SMIM8: variants seen among roughly 807,000 people sequenced by gnomAD.
SMIM8 encodes UPF0708 protein C6orf162.
SMIM8 carries 8 observed loss-of-function variants against 8.1 expected under a neutral mutation model. The ratio of observed to expected loss-of-function variants is 0.99; its 90% CI spans 0.58 to 1.78. The LOEUF (loss-of-function observed/expected upper bound fraction) is 1.78. Ranked by LOEUF, SMIM8 falls within the 40% of genes most tolerant of loss-of-function variation. The pLI, the probability that SMIM8 is intolerant of heterozygous loss-of-function variation, is 0.00. For missense variants in SMIM8, 126 were observed against 119.8 expected, an observed-to-expected ratio of 1.05 and a Z score of -0.24; for synonymous variants, 45 against 39.7, an observed-to-expected ratio of 1.13 and a Z score of -0.50.
chr6:87,326,395 T>C (rs962697516), intron 1 of SMIM8, among the ~76,000 whole-genome samples: 14 of 152,220 alleles, frequency 9.2e-5, no homozygotes, highest in Non-Finnish European at 1.3e-4. Flanking sequence ...CTTTATCTTG[T>C]GGGCATTTAG....
chr6:87,325,913 G>A (rs201515542), intron 1 of SMIM8, among the ~76,000 whole-genome samples: 1 of 151,980 alleles, frequency 6.6e-6, no homozygotes, highest in Non-Finnish European at 1.5e-5. Context: ...TTTTTGGTTG[G>A]TAAGCTATTG....
At chr6:87,324,895 C>G (rs117457311) in intron 1 of SMIM8, among the ~76,000 whole-genome samples, 2 of 152,142 alleles carry the variant, frequency 1.3e-5, no homozygotes, top group Admixed American at 6.5e-5. Context: ...ATTCTTCCTA[C>G]GCATGAGCAT....
At chr6:87,332,008 T>C (rs1251626866) in intron 2 of SMIM8, among the ~76,000 whole-genome samples, 1 of 152,106 alleles carries the variant, frequency 6.6e-6, no homozygotes, top group African/African-American at 2.4e-5. Flanking sequence ...CAGTGAATTA[T>C]TAAGGTAAAT....
intron 2 of SMIM8, among the ~76,000 whole-genome samples, chr6:87,332,539 A>C (rs1050800362): frequency 6.7e-6 from 1 of 149,204 alleles, no homozygotes; most frequent in African/African-American, 2.4e-5. Flanking sequence ...TAAATTACAT[A>C]TAATTAATAT....
intron 3 of SMIM8, 141 bp from the exon 4 acceptor site, chr6:87,339,975 T>A: frequency 3.4e-6 from 2 of 594,502 alleles, no homozygotes; most frequent in Non-Finnish European, 5.5e-6. Context: ...ACTGAATAAA[T>A]GATTTTAATT....
intron 2 of SMIM8, among the ~76,000 whole-genome samples, chr6:87,332,780 T>G (rs1335993645): frequency 6.8e-5 from 2 of 29,332 alleles, no homozygotes; most frequent in Non-Finnish European, 1.6e-4. Flanking sequence ...CTTTGTATAT[T>G]TGCTTTTTCA....
intron 2 of SMIM8, among the ~76,000 whole-genome samples, chr6:87,332,302 C>G (rs1777011096): frequency 7.5e-6 from 1 of 133,362 alleles, no homozygotes; most frequent in Admixed American, 7.4e-5. Context: ...TTCTCTTTCT[C>G]CTCCTCTCCT....
intron 2 of SMIM8, among the ~76,000 whole-genome samples, chr6:87,335,988 G>A (rs1221745468): frequency 6.6e-6 from 1 of 151,564 alleles, no homozygotes; most frequent in Non-Finnish European, 1.5e-5. Context: ...GCCACTGCAC[G>A]TGCATTCCAG....
chr6:87,328,286 T>G (rs143908604), intron 1 of SMIM8, among the ~76,000 whole-genome samples: 8,795 of 136,296 alleles, frequency 0.065, 360 homozygotes, highest in African/African-American at 0.12. Context: ...TTTGTTCCGT[T>G]GCTCGTGAGG....
intron 2 of SMIM8, among the ~76,000 whole-genome samples, chr6:87,332,559 T>G (rs1777019404): frequency 6.7e-6 from 1 of 150,002 alleles, no homozygotes; most frequent in Non-Finnish European, 1.5e-5. Flanking sequence ...TATAATTATA[T>G]GTAACATAAT....
rs1777135236 is a variant in SMIM8, at chr6:87,337,279, CCT to C, written c.135+118_135+119del. ...GGAAATTTTATGTTGACAAGTAAGA[CCT>C]CTCTGTGAATAAAAGCAGGTGGAAG... is the stretch of plus-strand genomic sequence containing the variant. On this transcript the variant is annotated intron_variant, in intron 3 of 3. Transcript: ENST00000392863. 2.5e-6 allele frequency: 3 copies of C among 1,200,470 alleles called. No individual in the cohort carries two copies. In the East Asian group the frequency reaches 7.6e-5, roughly 30 times the overall value. The allele number at this position is 1,200,470 out of a possible 1,614,324, so 74.4% of individuals were successfully genotyped here.
At chr6:87,326,815 G>T (rs374852439) in intron 1 of SMIM8, among the ~76,000 whole-genome samples, 13 of 118,956 alleles carry the variant, frequency 1.1e-4, no homozygotes, top group Admixed American at 8.0e-5. Context: ...CAATTCCTGG[G>T]TATCCTTGTT....
intron 1 of SMIM8, among the ~76,000 whole-genome samples, chr6:87,329,948 A>G (rs1034372113): frequency 6.6e-6 from 1 of 152,194 alleles, no homozygotes; most frequent in Non-Finnish European, 1.5e-5. Context: ...TTTAGTACCT[A>G]TCTATGCAAT....
intron 1 of SMIM8, among the ~76,000 whole-genome samples, chr6:87,327,937 G>A (rs1384301901): frequency 2.0e-5 from 3 of 149,992 alleles, no homozygotes; most frequent in East Asian, 3.9e-4. Flanking sequence ...CATATTTCTT[G>A]GAGGCTTTGC....
At chr6:87,329,701 T>C (rs1403946121) in intron 1 of SMIM8, among the ~76,000 whole-genome samples, 1 of 152,194 alleles carries the variant, frequency 6.6e-6, no homozygotes, top group Non-Finnish European at 1.5e-5. Context: ...GTAATATACA[T>C]GCAAAGGCCT....
intron 3 of SMIM8, among the ~76,000 whole-genome samples, chr6:87,338,623 C>T (rs975911510): frequency 6.6e-6 from 1 of 152,208 alleles, no homozygotes; most frequent in Non-Finnish European, 1.5e-5. Flanking sequence ...GACATGACTA[C>T]TGTCTCATTC....
At position 87,341,294 on chromosome 6, in the gene SMIM8, G is replaced by A. The variant is rs1777228057; in HGVS notation, c.*1020G>A. ...TTATGGAAGTGGGGACAGAAATGGG[G>A]GTAAAAATGAGTGTAAACAAAGCCT... On this transcript the variant is annotated 3_prime_UTR_variant, in exon 4 of 4. Coordinates refer to ENST00000392863, the MANE Select transcript of SMIM8 (RefSeq NM_001042493.3). 1.0e-5 allele frequency: 4 copies of A among 398,538 alleles called. No homozygotes were observed. Among genetic ancestry groups the A allele is most frequent in the African/African-American group, 6.2e-5 (3 of 48,724 alleles). The allele number at this position is 398,538 out of a possible 1,614,324, so 24.7% of individuals were successfully genotyped here.
At chr6:87,338,282 A>G (rs1418039948) in intron 3 of SMIM8, among the ~76,000 whole-genome samples, 1 of 152,190 alleles carries the variant, frequency 6.6e-6, no homozygotes, top group Non-Finnish European at 1.5e-5. Context: ...AGGCAAATTA[A>G]TATAGGTAGG....
chr6:87,324,865 T>C (rs1027091905), intron 1 of SMIM8, among the ~76,000 whole-genome samples: 1 of 152,238 alleles, frequency 6.6e-6, no homozygotes, highest in East Asian at 1.9e-4. Context: ...TTGGGCAGTA[T>C]GGCCATTTTC....
Sources: gnomAD v4.1 joint callset for allele counts (sites outside exome capture counted in the v4.1 genomes callset) on GRCh38, gnomAD v4.1.1 for gene constraint, MANE v1.5 for transcripts, NCBI Gene and HGNC (gene_info 2026-07-23, HGNC 2026-07-21) for gene names.